The following DOP1A variants were observed in gnomAD, a reference collection of about 807,000 sequenced individuals.
The protein encoded by DOP1A is DOP1 leucine zipper like protein A, also known as protein DOP1A.
DOP1A carries 90 observed loss-of-function variants against 267.6 expected under a neutral mutation model. The ratio of observed to expected loss-of-function variants is 0.34; its 90% CI spans 0.28 to 0.40. The LOEUF (loss-of-function observed/expected upper bound fraction) is 0.40, where lower values mean the gene tolerates loss of function less well. DOP1A is among the 10% of genes least tolerant of loss of function. The probability of loss-of-function intolerance (pLI) is 1.00; values close to 1 mark genes in which losing one functional copy is unlikely to be tolerated. For synonymous variants in DOP1A, 932 were observed against 999.1 expected (o/e 0.93, Z 1.27); for missense variants, 2,437 against 2,900.4 (o/e 0.84, Z 3.67).
At chr6:83,145,428 TATAAA>T in intron 24 of DOP1A, 91 bp from the exon 25 acceptor site, 8 of 1,129,076 alleles carry the variant, frequency 7.1e-6, no homozygotes, top group Non-Finnish European at 9.6e-6. Context: ...ATTTAAAAAA[TATAAA>T]AAAAGAAGAG....
At chr6:83,099,572 A>T (rs1582928661) in intron 3 of DOP1A, among the ~76,000 whole-genome samples, 1 of 152,098 alleles carries the variant, frequency 6.6e-6, no homozygotes, top group South Asian at 2.1e-4. Flanking sequence ...TAGATTAACC[A>T]ATATTCACAA....
chr6:83,124,992 T>C (rs1776926975), intron 13 of DOP1A, among the ~76,000 whole-genome samples, 173 bp downstream of exon 13: 1 of 152,206 alleles, frequency 6.6e-6, no homozygotes, highest in South Asian at 2.1e-4. Context: ...GACATATACA[T>C]ATAAAAAATA....
intron 3 of DOP1A, among the ~76,000 whole-genome samples, chr6:83,099,710 A>ATATACATATATATATATATATACACACG (rs1304933679): frequency 3.1e-5 from 1 of 32,608 alleles, no homozygotes; most frequent in Admixed American, 4.1e-4. Context: ...GTGTGTGTGT[A>ATATACATATATATATATATATACACACG]TATACATATA....
intron 38 of DOP1A, among the ~76,000 whole-genome samples, chr6:83,163,528 A>G (rs1043675242): frequency 3.9e-5 from 6 of 152,212 alleles, no homozygotes; most frequent in Non-Finnish European, 7.3e-5. Flanking sequence ...CTGTTTATCT[A>G]TATGAAATAA....
At chr6:83,103,108 T>G (rs915626815) in intron 4 of DOP1A, among the ~76,000 whole-genome samples, 3 of 152,218 alleles carry the variant, frequency 2.0e-5, no homozygotes, top group Non-Finnish European at 4.4e-5. Flanking sequence ...TTATTATTAT[T>G]ATTTATCCTG....
intron 11 of DOP1A, among the ~76,000 whole-genome samples, chr6:83,122,490 C>T (rs1398705191): frequency 6.6e-6 from 1 of 151,880 alleles, no homozygotes; most frequent in Non-Finnish European, 1.5e-5. Context: ...TCTTCACAAT[C>T]AAGGCTGTGA....
At chr6:83,131,229 A>C (rs1057222955) in intron 17 of DOP1A, among the ~76,000 whole-genome samples, 3 of 151,744 alleles carry the variant, frequency 2.0e-5, no homozygotes, top group Non-Finnish European at 2.9e-5. Flanking sequence ...GATTGTATAC[A>C]TCTTAAGCAG....
intron 1 of DOP1A, among the ~76,000 whole-genome samples, chr6:83,080,407 ATT>A (rs1017565317): frequency 7.9e-5 from 12 of 152,174 alleles, no homozygotes; most frequent in Non-Finnish European, 1.5e-4. Context: ...TCCTTGATAT[ATT>A]TGTTTTCTGA....
At chr6:83,077,181 T>G (rs1767252499) in intron 1 of DOP1A, among the ~76,000 whole-genome samples, 1 of 152,198 alleles carries the variant, frequency 6.6e-6, no homozygotes, top group South Asian at 2.1e-4. Context: ...TACTTAACAC[T>G]ACTGAACTGT....
downstream of DOP1A, chr6:83,169,454 T>C: frequency 9.3e-7 from 1 of 1,078,922 alleles, no homozygotes; most frequent in Non-Finnish European, 1.3e-6. Context: ...CAAATTCTAA[T>C]GAAAACCTTT....
chr6:83,118,301 T>C (rs1317514188), intron 7 of DOP1A, among the ~76,000 whole-genome samples: 1 of 151,952 alleles, frequency 6.6e-6, no homozygotes, highest in African/African-American at 2.4e-5. Flanking sequence ...TTTTTAAACG[T>C]TGAATTAAGG....
downstream of DOP1A, chr6:83,170,146 A>T (rs1350164814): frequency 6.3e-6 from 4 of 637,106 alleles, no homozygotes; most frequent in Non-Finnish European, 8.0e-6. Context: ...TTGTATAATT[A>T]CTGCTGGTGA....
intron 11 of DOP1A, 108 bp downstream of exon 11, chr6:83,122,158 A>T: frequency 7.7e-7 from 1 of 1,305,656 alleles, no homozygotes; most frequent in Non-Finnish European, 1.1e-6. Context: ...TTTGTGTTCT[A>T]ATAAGTAAAG....
chr6:83,104,417 T>C (rs935897329), intron 4 of DOP1A, among the ~76,000 whole-genome samples: 2 of 152,194 alleles, frequency 1.3e-5, no homozygotes, highest in East Asian at 1.9e-4. Flanking sequence ...TTCTGGAATA[T>C]ATCCAGTTGG....
At chr6:83,085,988 G>A (rs565740570) in intron 1 of DOP1A, among the ~76,000 whole-genome samples, 2 of 152,228 alleles carry the variant, frequency 1.3e-5, no homozygotes, top group Non-Finnish European at 2.9e-5. Context: ...GCTATAACTG[G>A]TTAGAATAAT....
At chr6:83,068,635 A>G (rs1998793) in intron 1 of DOP1A, among the ~76,000 whole-genome samples, 14,344 of 152,254 alleles carry the variant, frequency 0.094, 872 homozygotes, top group East Asian at 0.16. Context: ...GTAGAGAGAG[A>G]AAAATCTGTT....
intron 1 of DOP1A, among the ~76,000 whole-genome samples, chr6:83,088,465 C>T: frequency 6.8e-6 from 1 of 147,798 alleles, no homozygotes; most frequent in South Asian, 2.2e-4. Context: ...ACTCTGTCCC[C>T]AGGCTGGAGT....
intron 9 of DOP1A, 108 bp downstream of exon 9, chr6:83,119,965 G>A: frequency 1.3e-6 from 1 of 780,048 alleles, no homozygotes; most frequent in Non-Finnish European, 1.9e-6. Flanking sequence ...AAGGGGTGGA[G>A]ACAAGACTTA....
chr6:83,120,632 A>T (rs1251881342), intron 9 of DOP1A, 51 bp from the exon 10 acceptor site: 2 of 1,399,158 alleles, frequency 1.4e-6, no homozygotes, highest in Admixed American at 3.9e-5. Context: ...TTAAGGAAAA[A>T]ATATTTGAAT....
Sources: gnomAD v4.1 joint callset for allele counts (sites outside exome capture counted in the v4.1 genomes callset) on GRCh38, gnomAD v4.1.1 for gene constraint, MANE v1.5 for transcripts, NCBI Gene and HGNC (gene_info 2026-07-23, HGNC 2026-07-21) for gene names.